The following FAIM2 variants were observed in gnomAD, a reference collection of about 807,000 sequenced individuals.
FAIM2 encodes protein lifeguard 2.
A neutral mutation model predicts 47.4 loss-of-function variants in FAIM2; 27 were observed. The observed-to-expected ratio is 0.57, with a 90% CI of 0.42 to 0.78. The LOEUF (loss-of-function observed/expected upper bound fraction) is 0.78, where lower values mean the gene tolerates loss of function less well. Ranked by LOEUF, FAIM2 falls within the 30% of genes least tolerant of loss-of-function variation. The pLI, the probability that FAIM2 is intolerant of heterozygous loss-of-function variation, is 0.00. For missense variants in FAIM2, 311 were observed against 389.4 expected (o/e 0.80, Z 1.69); for synonymous variants, 156 against 159.3 (o/e 0.98, Z 0.16).
chr12:49,897,915 T>C, intron 3 of FAIM2, 72 bp downstream of exon 3: 1 of 1,170,368 alleles, frequency 8.5e-7, no homozygotes, highest in Middle Eastern at 2.4e-4. Context: ...AGGCAGAGGG[T>C]TGGGCCAGGG....
In FAIM2 at chr12:49,869,927, C is replaced by G. The variant is rs1045702766; in HGVS notation, c.*577G>C. 1 of 152,868 alleles carries G rather than the reference C, an allele frequency of 6.5e-6. No homozygotes were observed. Among genetic ancestry groups the G allele is most frequent in the African/African-American group, 2.4e-5 (1 of 41,434 alleles). 9.5% of individuals were successfully genotyped at this position (152,868 alleles called of 1,614,324 possible). On this transcript the variant is annotated 3_prime_UTR_variant, in exon 12 of 12. Coordinates refer to ENST00000320634, the MANE Select transcript of FAIM2 (RefSeq NM_012306.4). Reference sequence around the variant, plus strand: ...TGCCCTTGGCCTCCAGGTCCAAATCCCTAGAACAAGCCGCTGGTCCCAGAG... The same window carrying G: ...TGCCCTTGGCCTCCAGGTCCAAATCGCTAGAACAAGCCGCTGGTCCCAGAG...
chr12:49,901,246 G>A lies in FAIM2; in HGVS notation c.95C>T (p.Pro32Leu). ...HGEKKEAPAV[P>L]SAPPSYEEAT... Reference sequence around the variant, plus strand: ...TTCCTCATAGGAGGGTGGGGCTGAGGGCACTGCTGGAGCCTCCTTCTTCTC... The same window carrying A: ...TTCCTCATAGGAGGGTGGGGCTGAGAGCACTGCTGGAGCCTCCTTCTTCTC... The change falls in exon 2 of 12, where the codon CCC becomes CTC. Residue 32 changes from proline (P) to leucine (L), a missense_variant. Coordinates refer to ENST00000320634, the MANE Select transcript of FAIM2 (RefSeq NM_012306.4). 3 of 1,611,136 alleles carry A rather than the reference G, an allele frequency of 1.9e-6. No homozygotes were observed. Among genetic ancestry groups the A allele is most frequent in the Non-Finnish European group, 2.5e-6 (3 of 1,178,836 alleles).
chr12:49,897,496 G>A (rs1019393226), intron 4 of FAIM2, 23 bp downstream of exon 4: 11 of 1,610,302 alleles, frequency 6.8e-6, no homozygotes, highest in Non-Finnish European at 7.6e-6. Flanking sequence ...CCTGGAAGGT[G>A]CTGGTCCATG....
At chr12:49,902,644 G>A (rs1236838713) in intron 1 of FAIM2, among the ~76,000 whole-genome samples, 1 of 152,054 alleles carries the variant, frequency 6.6e-6, no homozygotes, top group Non-Finnish European at 1.5e-5. Context: ...CAGAAGGGGT[G>A]AGTTCTCCAT....
At chr12:49,877,782 G>A (rs114084422) in intron 11 of FAIM2, among the ~76,000 whole-genome samples, 2,420 of 152,182 alleles carry the variant, frequency 0.016, 67 homozygotes, top group African/African-American at 0.054. Flanking sequence ...ATATGTGTGT[G>A]CATGTGTATA....
intron 11 of FAIM2, among the ~76,000 whole-genome samples, chr12:49,878,591 T>TGTGTATGTGTGC (rs1565613347): frequency 9.2e-6 from 1 of 108,498 alleles, no homozygotes; most frequent in African/African-American, 3.3e-5. Context: ...TGTACATGTG[T>TGTGTATGTGTGC]ATGTGTATGT....
intron 6 of FAIM2, 152 bp downstream of exon 6, chr12:49,890,912 A>G (rs1946895532): frequency 1.1e-6 from 1 of 872,248 alleles, no homozygotes; most frequent in Non-Finnish European, 1.9e-6. Context: ...CACCAGGTAA[A>G]GGAGGGAGGG....
chr12:49,900,294 T>G (rs1946973673), intron 2 of FAIM2: 1 of 1,077,856 alleles, frequency 9.3e-7, no homozygotes, highest in Admixed American at 2.9e-5. Flanking sequence ...CTCTGAGATC[T>G]CTTCTAGAAT....
intron 11 of FAIM2, among the ~76,000 whole-genome samples, chr12:49,878,928 A>G (rs1946772522): frequency 7.7e-6 from 1 of 130,558 alleles, no homozygotes; most frequent in Non-Finnish European, 1.6e-5. Context: ...ATGTGTGTAT[A>G]TGTGCATGCA....
chr12:49,891,069 T>A lies in FAIM2; in HGVS notation c.480A>T (p.Gly160=), dbSNP rs188108687. ...TCCTCAAGCCATTAGCATACCTGGG[T>A]CCAGAACAGCAAGCCAGGGTCAGGT... ...ATYLTLACCS[G]PRRHFPWNLI... is the part of the protein sequence containing the mutation. Residue 160 remains glycine, a synonymous_variant, in exon 6 of 12, where the codon GGA becomes GGT. Transcript: ENST00000320634. 4 of 1,613,968 alleles carry A rather than the reference T, an allele frequency of 2.5e-6. No individual in the cohort carries two copies. In the Admixed American group the frequency reaches 6.7e-5, roughly 27 times the overall value.
intron 5 of FAIM2, among the ~76,000 whole-genome samples, chr12:49,895,680 A>T (rs898461928): frequency 6.6e-6 from 1 of 152,174 alleles, no homozygotes; most frequent in Admixed American, 6.5e-5. Context: ...TGGAACCCCC[A>T]GAGGCCAGGC....
intron 11 of FAIM2, 26 bp downstream of exon 11, chr12:49,887,360 C>T (rs1325024425): frequency 1.2e-6 from 2 of 1,600,626 alleles, no homozygotes; most frequent in Admixed American, 1.7e-5. Flanking sequence ...GGGAAGGAGG[C>T]TGCCAAGGAG....
chr12:49,885,142 G>C (rs887758326), intron 11 of FAIM2, among the ~76,000 whole-genome samples: 4 of 152,196 alleles, frequency 2.6e-5, no homozygotes, highest in African/African-American at 9.7e-5. Context: ...GTGGAACAGA[G>C]GATGGGGACT....
Position 49,887,240 on chromosome 12 carries a change from C to A in FAIM2, c.801+146G>T, listed in dbSNP as rs1592790351. Reference sequence around the variant, plus strand: ...AGAATCCCCCAAATGAACAAACAAACAAACGCAGCACCGAGCCTAGCCCTA... The same window carrying A: ...AGAATCCCCCAAATGAACAAACAAAAAAACGCAGCACCGAGCCTAGCCCTA... On this transcript the variant is annotated intron_variant, in intron 11 of 11. Coordinates refer to ENST00000320634, the MANE Select transcript of FAIM2 (RefSeq NM_012306.4). The A allele has an allele frequency of 2.1e-5, 15 of 702,612 alleles. No individual in the cohort carries two copies. The East Asian group carries it at 3.9e-4, about 18-fold the overall frequency. 43.5% of individuals were successfully genotyped at this position (702,612 alleles called of 1,614,324 possible).
rs551806217 is a variant in FAIM2 at position 49,889,911 on chromosome 12, C to T, written c.563+206G>A. Among the ~76,000 whole-genome samples the T allele has an allele frequency of 9.9e-5, 15 of 152,234 alleles. No individual in the cohort carries two copies. The South Asian group carries it at 2.3e-3, about 23-fold the overall frequency. On this transcript the variant is annotated intron_variant, in intron 8 of 11. Transcript: ENST00000320634. ...TTGGGAGGAGCCACCTTGCTCCCCA[C>T]CCCCTATCCACCGGGCCAGGTCTTG...
chr12:49,889,019 T>C, intron 10 of FAIM2, 88 bp downstream of exon 10: 2 of 974,434 alleles, frequency 2.1e-6, no homozygotes, highest in South Asian at 1.4e-5. Flanking sequence ...CTCCTGGCCT[T>C]CCCTGGCGGA....
chr12:49,887,997 C>T (rs968247694), intron 10 of FAIM2, among the ~76,000 whole-genome samples: 8 of 152,182 alleles, frequency 5.3e-5, no homozygotes, highest in Non-Finnish European at 1.0e-4. Flanking sequence ...CCACTCTCTG[C>T]CCCCTGAGTC....
At chr12:49,880,273 T>G (rs1946803962) in intron 11 of FAIM2, among the ~76,000 whole-genome samples, 1 of 151,738 alleles carries the variant, frequency 6.6e-6, no homozygotes, top group African/African-American at 2.4e-5. Context: ...CGTATGTGTA[T>G]ATGTATGCAT....
In FAIM2 at chr12:49,870,411, T is replaced by G; in HGVS notation, c.*93A>C. 1 of 1,215,210 alleles carries G rather than the reference T, an allele frequency of 8.2e-7. No homozygotes were observed. Among genetic ancestry groups the G allele is most frequent in the Non-Finnish European group, 1.2e-6 (1 of 844,782 alleles). The allele number at this position is 1,215,210 out of a possible 1,614,324, so 75.3% of individuals were successfully genotyped here. A position where few individuals can be genotyped will look rare whatever the true frequency, so the allele number is the denominator to read the frequency against. On this transcript the variant is annotated 3_prime_UTR_variant, in exon 12 of 12. Transcript: ENST00000320634. The stretch of plus-strand genomic sequence containing the variant: ...CCTGGCCACAGGCTGGGTTGGCAGC[T>G]AGTTTTATATCTGGTCTCGCAGGAG...
Sources: gnomAD v4.1 joint callset for allele counts (sites outside exome capture counted in the v4.1 genomes callset) on GRCh38, gnomAD v4.1.1 for gene constraint, MANE v1.5 for transcripts, NCBI Gene and HGNC (gene_info 2026-07-23, HGNC 2026-07-21) for gene names.